The following KCNJ11 variants were observed in gnomAD, a reference collection of about 807,000 sequenced individuals.
The protein encoded by KCNJ11 is ATP-sensitive inward rectifier potassium channel 11.
A neutral mutation model predicts 17.3 loss-of-function variants in KCNJ11; 12 were observed. That is an observed-to-expected ratio of 0.69 (90% CI 0.44 to 1.12). KCNJ11 has a LOEUF of 1.12. KCNJ11 is among the 50% of genes most tolerant of loss of function. The pLI is 0.00. For synonymous variants in KCNJ11, 211 were observed against 223.4 expected (o/e 0.94, Z 0.50); for missense variants, 386 against 554.1 (o/e 0.70, Z 3.05).
At position 17,388,239 on chromosome 11, in the gene KCNJ11, C is replaced by A. The variant is rs572849559; in HGVS notation, c.-148G>T. The A allele has an allele frequency of 9.0e-6, 6 of 667,462 alleles. No individual in the cohort carries two copies. The African/African-American group carries it at 9.1e-5, about 10-fold the overall frequency. 41.3% of individuals were successfully genotyped at this position (667,462 alleles called of 1,614,324 possible). On this transcript the variant is annotated 5_prime_UTR_variant, in exon 1 of 1. Coordinates refer to ENST00000339994, the MANE Select transcript of KCNJ11 (RefSeq NM_000525.4). ...TGCTGGCCTCACTTCTGAGATAACTCCCCACCAGACTCTTCCTTACCTCCA... is the reference window on the plus strand; with the variant it reads ...TGCTGGCCTCACTTCTGAGATAACTACCCACCAGACTCTTCCTTACCTCCA...
Position 17,387,123 on chromosome 11 carries a change from G to C in KCNJ11, c.969C>G (p.Asp323Glu), listed in dbSNP as rs1272384074. Residue 323 changes from aspartate to glutamate, a missense_variant, in exon 1 of 1, where the codon GAC (aspartate) becomes GAG (glutamate). By Grantham distance (45) the Asp-to-Glu change is conservative (BLOSUM62 2). Coordinates refer to ENST00000339994, the MANE Select transcript of KCNJ11 (RefSeq NM_000525.4). The stretch of plus-strand genomic sequence containing the variant: ...TGGAGTAGTCCACAGAGTAACGTCC[G>C]TCCTCCTCAGCTACAATGGGCACAA... ...QRFVPIVAEE[D>E]GRYSVDYSKF... 6.2e-7 allele frequency: 1 copy of C among 1,614,216 alleles called. No individual in the cohort carries two copies. Among genetic ancestry groups the C allele is most frequent in the South Asian group, 1.1e-5 (1 of 91,086 alleles).
Position 17,386,993 on chromosome 11 carries a change from G to A in KCNJ11, c.1099C>T (p.Pro367Ser), listed in dbSNP as rs138168190. The A allele has an allele frequency of 6.2e-7, 1 of 1,613,658 alleles. No individual in the cohort carries two copies. The highest frequency in any genetic ancestry group is 8.5e-7 in the Non-Finnish European group (1 of 1,179,808). Residue 367 changes from proline to serine, a missense_variant, in exon 1 of 1, where the codon CCC becomes TCC. Coordinates refer to ENST00000339994, the MANE Select transcript of KCNJ11 (RefSeq NM_000525.4). ...EALTLASARG[P>S]LRKRSVPMAK... ...ATGGGCACGCTGCGCTTGCGCAGGGGCCCGCGGGCTGAGGCGAGGGTCAGA... is the reference window on the plus strand; with the variant it reads ...ATGGGCACGCTGCGCTTGCGCAGGGACCCGCGGGCTGAGGCGAGGGTCAGA...
At position 17,387,963 on chromosome 11, in the gene KCNJ11, G is replaced by A. The variant is rs1344671029; in HGVS notation, c.129C>T (p.Asn43=). 8 of 1,612,958 alleles carry A rather than the reference G, an allele frequency of 5.0e-6. No individual in the cohort carries two copies. In the Admixed American group the frequency reaches 6.7e-5, roughly 13 times the overall value. Residue 43 remains asparagine, a synonymous_variant, in exon 1 of 1, where the codon AAC becomes AAT. Transcript: ENST00000339994. ...ARFVSKKGNC[N]VAHKNIREQG... ...GCTCCCGGATGTTCTTGTGGGCCAC[G>A]TTGCAGTTGCCTTTCTTGGACACAA... is the stretch of plus-strand genomic sequence containing the variant.
upstream of KCNJ11, chr11:17,389,058 G>C (rs1401344541): frequency 5.8e-6 from 1 of 171,158 alleles, no homozygotes; most frequent in Admixed American, 6.3e-5. Context: ...CCCCGGACCT[G>C]CGCGCGACCC....
Position 17,387,757 on chromosome 11 carries a change from G to T in KCNJ11, c.335C>A (p.Thr112Asn). 1 of 1,614,110 alleles carries T rather than the reference G, an allele frequency of 6.2e-7. No homozygotes were observed. The highest frequency in any genetic ancestry group is 1.3e-5 in the African/African-American group (1 of 75,058). ...GGCAGACGAGAAGGAGTGGATGCTG[G>T]TGACACAGGGCTCAGCAGTGCCCTC... ...PSEGTAEPCV[T>N]SIHSFSSAFL... Residue 112 changes from threonine to asparagine, a missense_variant, in exon 1 of 1, where the codon ACC becomes AAC. Thr to Asn is a moderately conservative substitution (Grantham distance 65). Transcript: ENST00000339994.
Position 17,386,722 on chromosome 11 carries a change from C to G in KCNJ11, c.*197G>C. 1 of 591,646 alleles carries G rather than the reference C, an allele frequency of 1.7e-6. No individual in the cohort carries two copies. The highest frequency in any genetic ancestry group is 2.8e-5 in the East Asian group (1 of 35,678). 36.6% of individuals were successfully genotyped at this position (591,646 alleles called of 1,614,324 possible). On this transcript the variant is annotated 3_prime_UTR_variant, in exon 1 of 1. Coordinates refer to ENST00000339994, the MANE Select transcript of KCNJ11 (RefSeq NM_000525.4). ...CAGTCCTGAATTGGGTTGGGAGGAG[C>G]AGGGACAAAAATAACCCAGTACAGG...
In KCNJ11 at chr11:17,386,868, CCACATGGTCCGT is replaced by C; in HGVS notation, c.*39_*50del. On this transcript the variant is annotated 3_prime_UTR_variant, in exon 1 of 1. Transcript: ENST00000339994. ...CACCAGGCCCTGGCCGGGCTACATACCACATGGTCCGTGTGTACACACGCGTGTGGGGGGCCC... is the reference window on the plus strand; with the variant it reads ...CACCAGGCCCTGGCCGGGCTACATACGTGTACACACGCGTGTGGGGGGCCC... 1 of 1,536,802 alleles carries C rather than the reference CCACATGGTCCGT, an allele frequency of 6.5e-7. No individual in the cohort carries two copies. Among genetic ancestry groups the C allele is most frequent in the Non-Finnish European group, 8.8e-7 (1 of 1,130,212 alleles).
In KCNJ11 at chr11:17,387,336, CA is replaced by C; in HGVS notation, c.755del (p.Val252GlyfsTer4). ...NGVGGNSIFL[V>X]APLIIYHVID... ...TGACATGGTAGATGATCAGCGGGGC[CA>C]CCAGGAAGATGCTGTTGCCACCCAC... On this transcript the variant is annotated frameshift_variant, in exon 1 of 1. Coordinates refer to ENST00000339994, the MANE Select transcript of KCNJ11 (RefSeq NM_000525.4). The C allele has an allele frequency of 6.2e-7, 1 of 1,614,088 alleles. No homozygotes were observed. The highest frequency in any genetic ancestry group is 8.5e-7 in the Non-Finnish European group (1 of 1,180,016).
At chr11:17,388,859 C>T (rs569534291), upstream of KCNJ11, 2 of 456,336 alleles carry the variant, frequency 4.4e-6, no homozygotes, top group Admixed American at 2.3e-5. Flanking sequence ...CCTTCGGGCT[C>T]CCAGGCTCCA....
Position 17,385,404 on chromosome 11 carries a change from G to A in KCNJ11, c.*1515C>T, listed in dbSNP as rs1953541959. 6.6e-6 allele frequency among the ~76,000 whole-genome samples: 1 copy of A among 152,186 alleles called. No individual in the cohort carries two copies. The highest frequency in any genetic ancestry group is 2.4e-5 in the African/African-American group (1 of 41,438). ...CAATTCTATGAGGTAGGTACTATTA[G>A]CATCCATGTTATAGAAGAGGCAACT... On this transcript the variant is annotated 3_prime_UTR_variant, in exon 1 of 1. Coordinates refer to ENST00000339994, the MANE Select transcript of KCNJ11 (RefSeq NM_000525.4).
Position 17,386,896 on chromosome 11 carries a change from T to G in KCNJ11, c.*23A>C. 6.2e-7 allele frequency: 1 copy of G among 1,601,834 alleles called. No homozygotes were observed. Among genetic ancestry groups the G allele is most frequent in the Non-Finnish European group, 8.5e-7 (1 of 1,173,314 alleles). On this transcript the variant is annotated 3_prime_UTR_variant, in exon 1 of 1. Coordinates refer to ENST00000339994, the MANE Select transcript of KCNJ11 (RefSeq NM_000525.4). ...CATGGTCCGTGTGTACACACGCGTG[T>G]GGGGGGCCCGAGAGACCATGGCTCA...
At position 17,387,657 on chromosome 11, in the gene KCNJ11, G is replaced by T. The variant is rs1489207595; in HGVS notation, c.435C>A (p.Ala145=). 2 of 1,614,054 alleles carry T rather than the reference G, an allele frequency of 1.2e-6. No individual in the cohort carries two copies. Among genetic ancestry groups the T allele is most frequent in the Non-Finnish European group, 1.7e-6 (2 of 1,180,008 alleles). The change falls in exon 1 of 1, where the codon GCC becomes GCA. Residue 145 remains alanine (A), a synonymous_variant. Coordinates refer to ENST00000339994, the MANE Select transcript of KCNJ11 (RefSeq NM_000525.4). The part of the protein sequence containing the change: ...GRMVTEECPL[A]ILILIVQNIV... ...TGTTCTGCACGATGAGGATCAGGAT[G>T]GCCAGTGGGCACTCCTCAGTCACCA...
rs1347354439 is a variant in KCNJ11 at position 17,388,367 on chromosome 11, G to A, written c.-276C>T. The A allele has an allele frequency of 2.0e-6, 1 of 493,336 alleles. No homozygotes were observed. Among genetic ancestry groups the A allele is most frequent in the Non-Finnish European group, 3.7e-6 (1 of 273,312 alleles). The allele number at this position is 493,336 out of a possible 1,614,324, so 30.6% of individuals were successfully genotyped here. A position where few individuals can be genotyped will look rare whatever the true frequency, so the allele number is the denominator to read the frequency against. The stretch of plus-strand genomic sequence containing the variant: ...GAGGCTGAGGAGGGCAGATCACTAG[G>A]TCAGGAGTTCGAGACCAGCCTGACC... On this transcript the variant is annotated 5_prime_UTR_variant, in exon 1 of 1. Coordinates refer to ENST00000339994, the MANE Select transcript of KCNJ11 (RefSeq NM_000525.4).
Position 17,388,119 on chromosome 11 carries a change from T to C in KCNJ11, c.-28A>G. ...CTCCGGTGACCCCCAGGGAGGGGCT[T>C]CCCCCATCGGAGGCACCCCTCGGAC... On this transcript the variant is annotated 5_prime_UTR_variant, in exon 1 of 1. Coordinates refer to ENST00000339994, the MANE Select transcript of KCNJ11 (RefSeq NM_000525.4). 3 of 1,598,172 alleles carry C rather than the reference T, an allele frequency of 1.9e-6. No homozygotes were observed. The highest frequency in any genetic ancestry group is 2.6e-6 in the Non-Finnish European group (3 of 1,171,002).
chr11:17,388,245 C>G lies in KCNJ11; in HGVS notation c.-154G>C. The G allele has an allele frequency of 1.5e-6, 1 of 660,044 alleles. No individual in the cohort carries two copies. Among genetic ancestry groups the G allele is most frequent in the Non-Finnish European group, 2.6e-6 (1 of 378,054 alleles). The allele number at this position is 660,044 out of a possible 1,614,324, so 40.9% of individuals were successfully genotyped here. A position where few individuals can be genotyped will look rare whatever the true frequency, so the allele number is the denominator to read the frequency against. On this transcript the variant is annotated 5_prime_UTR_variant, in exon 1 of 1. Coordinates refer to ENST00000339994, the MANE Select transcript of KCNJ11 (RefSeq NM_000525.4). ...CCTCACTTCTGAGATAACTCCCCAC[C>G]AGACTCTTCCTTACCTCCACCTGGG...
chr11:17,388,195 T>C lies in KCNJ11; in HGVS notation c.-104A>G. On this transcript the variant is annotated 5_prime_UTR_variant, in exon 1 of 1. Transcript: ENST00000339994. ...CCTCTCGGTGGGCACCTTCTCACCCTGGGGCTGCACTCAGCCTGTGCTGGC... is the reference window on the plus strand; with the variant it reads ...CCTCTCGGTGGGCACCTTCTCACCCCGGGGCTGCACTCAGCCTGTGCTGGC... The C allele has an allele frequency of 1.0e-6, 1 of 977,550 alleles. No individual in the cohort carries two copies. The allele number at this position is 977,550 out of a possible 1,614,324, so 60.6% of individuals were successfully genotyped here. A position where few individuals can be genotyped will look rare whatever the true frequency, so the allele number is the denominator to read the frequency against.
rs778108404 is a variant in KCNJ11, at chr11:17,387,755, T to C, written c.337A>G (p.Ser113Gly). The part of the protein sequence containing the change: ...SEGTAEPCVT[S>G]IHSFSSAFLF... ...AAGGCAGACGAGAAGGAGTGGATGC[T>C]GGTGACACAGGGCTCAGCAGTGCCC... The change falls in exon 1 of 1, where the codon AGC becomes GGC. Residue 113 changes from serine to glycine, a missense_variant. Coordinates refer to ENST00000339994, the MANE Select transcript of KCNJ11 (RefSeq NM_000525.4). 1.5e-5 allele frequency: 25 copies of C among 1,613,994 alleles called. No individual in the cohort carries two copies. The South Asian group carries it at 1.9e-4, about 12-fold the overall frequency.
At position 17,387,239 on chromosome 11, in the gene KCNJ11, CGAT is replaced by C; in HGVS notation, c.850_852del (p.Ile284del). The stretch of plus-strand genomic sequence containing the variant: ...GTTTCCACCACGCCTTCCAGGATGA[CGAT>C]GATCTCGAGGTCCTGGTGGTGGTGC... On this transcript the variant is annotated inframe_deletion, in exon 1 of 1. Coordinates refer to ENST00000339994, the MANE Select transcript of KCNJ11 (RefSeq NM_000525.4). 1.2e-6 allele frequency: 2 copies of C among 1,614,230 alleles called. No individual in the cohort carries two copies. Among genetic ancestry groups the C allele is most frequent in the Non-Finnish European group, 1.7e-6 (2 of 1,180,034 alleles).
In KCNJ11 at chr11:17,386,948, A is replaced by ACTTGGG. The variant is rs1440128889; in HGVS notation, c.1138_1143dup (p.Pro380_Lys381dup). On this transcript the variant is annotated inframe_insertion, in exon 1 of 1. Coordinates refer to ENST00000339994, the MANE Select transcript of KCNJ11 (RefSeq NM_000525.4). ...GACAGGGAATCTGGAGAGATGCTGA[A>ACTTGGG]CTTGGGCTTGGCCTTGGCCATGGGC... is the stretch of plus-strand genomic sequence containing the variant. The ACTTGGG allele has an allele frequency of 1.4e-4, 230 of 1,613,176 alleles. No individual in the cohort carries two copies. The highest frequency in any genetic ancestry group is 1.8e-4 in the Non-Finnish European group (215 of 1,179,622).
Sources: allele counts gnomAD v4.1 joint callset (sites outside exome capture counted in the v4.1 genomes callset), GRCh38; gene constraint gnomAD v4.1.1; transcripts MANE v1.5; gene names NCBI Gene and HGNC (gene_info 2026-07-23, HGNC 2026-07-21).